The following CSDE1 variants were observed in gnomAD, a reference collection of about 807,000 sequenced individuals.
The protein encoded by CSDE1 is cold shock domain-containing protein E1.
CSDE1 carries 17 observed loss-of-function variants against 89.3 expected under a neutral mutation model. The ratio of observed to expected loss-of-function variants is 0.19; its 90% CI spans 0.13 to 0.29. The LOEUF (loss-of-function observed/expected upper bound fraction) is 0.29. Ranked by LOEUF, CSDE1 falls within the 10% of genes least tolerant of loss-of-function variation. CSDE1 has a pLI of 1.00. For missense variants in CSDE1, 672 were observed against 984.2 expected (o/e 0.68, Z 4.24); for synonymous variants, 322 against 332.8 (o/e 0.97, Z 0.35).
chr1:114,756,303 T>C (rs1489282782), intron 1 of CSDE1, among the ~76,000 whole-genome samples: 1 of 152,218 alleles, frequency 6.6e-6, no homozygotes, highest in African/African-American at 2.4e-5. Flanking sequence ...ACCTTCTCTT[T>C]TATTTTAGTC....
intron 1 of CSDE1, among the ~76,000 whole-genome samples, chr1:114,751,785 A>ATTC (rs2101089831): frequency 6.6e-6 from 1 of 151,922 alleles, no homozygotes; most frequent in East Asian, 1.9e-4. Flanking sequence ...AACTATCTTG[A>ATTC]TTCTTCCCCT....
chr1:114,744,343 A>G (rs544090179), intron 2 of CSDE1, among the ~76,000 whole-genome samples: 1 of 152,274 alleles, frequency 6.6e-6, no homozygotes, highest in South Asian at 2.1e-4. Flanking sequence ...GCACTTTGAG[A>G]GGCCGAGGTG....
intron 12 of CSDE1, among the ~76,000 whole-genome samples, chr1:114,729,229 G>A (rs949889659): frequency 6.6e-6 from 1 of 151,960 alleles, no homozygotes; most frequent in African/African-American, 2.4e-5. Context: ...CTCCCGAGTA[G>A]CTGGGATTAC....
intron 13 of CSDE1, 124 bp from the exon 14 acceptor site, chr1:114,726,510 T>C (rs1659807595): frequency 1.4e-6 from 1 of 703,294 alleles, no homozygotes; most frequent in African/African-American, 1.8e-5. Context: ...TTGTTATTAC[T>C]TCAATGAAAT....
In CSDE1 at chr1:114,727,086, G is replaced by A. The variant is rs769484140; in HGVS notation, c.1361C>T (p.Ala454Val). The A allele has an allele frequency of 3.1e-6, 5 of 1,606,924 alleles. No homozygotes were observed. In the South Asian group the frequency reaches 5.5e-5, roughly 18 times the overall value. Residue 454 changes from alanine to valine, a missense_variant, in exon 13 of 20, where the codon GCT becomes GTT. This residue lies in a region of CSDE1 where 108 missense variants were observed against 105.0 expected (regional missense o/e 1.03). Coordinates refer to ENST00000358528, the MANE Select transcript of CSDE1 (RefSeq NM_001007553.3). ...TSPNKGKEKE[A>V]EDGIIAYDDC... The stretch of plus-strand genomic sequence containing the variant: ...ATCATAAGCAATAATGCCATCCTCA[G>A]CCTCCTAAAGAGATACAGTCAAAAA...
At chr1:114,738,222 G>C (rs549464818) in intron 3 of CSDE1, 150 bp from the exon 4 acceptor site, 61 of 632,158 alleles carry the variant, frequency 9.6e-5, no homozygotes, top group Non-Finnish European at 1.5e-4. Context: ...ACATCACCTG[G>C]GAGCTTAAAA....
chr1:114,732,281 G>A (rs1660147261), intron 10 of CSDE1, among the ~76,000 whole-genome samples: 1 of 152,154 alleles, frequency 6.6e-6, no homozygotes, highest in African/African-American at 2.4e-5. Context: ...TTAGGAAATA[G>A]TTTGGGAAAA....
intron 1 of CSDE1, among the ~76,000 whole-genome samples, chr1:114,754,317 C>T (rs1408243199): frequency 6.6e-6 from 1 of 152,218 alleles, no homozygotes; most frequent in Non-Finnish European, 1.5e-5. Context: ...TTCATGTCTT[C>T]CTCGGCTGTT....
intron 15 of CSDE1, 150 bp from the exon 16 acceptor site, chr1:114,724,152 A>G: frequency 4.5e-6 from 3 of 662,688 alleles, no homozygotes; most frequent in Non-Finnish European, 7.3e-6. Flanking sequence ...GCCAAGTTCT[A>G]TTTTTAGAAC....
At position 114,736,820 on chromosome 1, in the gene CSDE1, G is replaced by A. The variant is rs751506481; in HGVS notation, c.438C>T (p.Val146=). The A allele has an allele frequency of 8.7e-6, 14 of 1,612,444 alleles. No individual in the cohort carries two copies. The highest frequency in any genetic ancestry group is 1.7e-4 in the Middle Eastern group (1 of 5,824). The change falls in exon 6 of 20, where the codon GTC becomes GTT. Residue 146 remains valine, a synonymous_variant. Transcript: ENST00000358528. The stretch of plus-strand genomic sequence containing the variant: ...CAGTTTCCAGCTGAACGTTCCCTTC[G>A]ACATCTTCAGGGGTGTAAGTCAGAT... ...VFYLTYTPED[V]EGNVQLETGD...
intron 18 of CSDE1, 51 bp from the exon 19 acceptor site, chr1:114,718,796 C>A: frequency 6.3e-7 from 1 of 1,596,158 alleles, no homozygotes; most frequent in Non-Finnish European, 8.5e-7. Flanking sequence ...GGGCAGACAG[C>A]AAGCACTTGC....
At chr1:114,747,841 G>C (rs1661096725) in intron 2 of CSDE1, among the ~76,000 whole-genome samples, 1 of 151,260 alleles carries the variant, frequency 6.6e-6, no homozygotes, top group Non-Finnish European at 1.5e-5. Flanking sequence ...CTTGGCGACA[G>C]AGCAAGACTC....
At chr1:114,726,059 G>T in intron 14 of CSDE1, 152 bp downstream of exon 14, 1 of 796,494 alleles carries the variant, frequency 1.3e-6, no homozygotes, top group Non-Finnish European at 1.9e-6. Flanking sequence ...AGTAAGATCA[G>T]TGATTAACTT....
chr1:114,736,711 G>GA lies in CSDE1; in HGVS notation c.500+46dup, dbSNP rs750150112. 2,531 of 1,070,644 alleles carry GA rather than the reference G, an allele frequency of 2.4e-3. 5 individuals carry two copies. Among genetic ancestry groups the GA allele is most frequent in the South Asian group, 3.4e-3 (216 of 63,550 alleles). 66.3% of individuals were successfully genotyped at this position (1,070,644 alleles called of 1,614,324 possible). ...TATTCAAATTTCTTAATGGAGGGGGGAAAAAAAAACCGCTTAGGTGAGAAA... is the reference window on the plus strand; with the variant it reads ...TATTCAAATTTCTTAATGGAGGGGGGAAAAAAAAAACCGCTTAGGTGAGAAA... On this transcript the variant is annotated intron_variant, in intron 6 of 19. Coordinates refer to ENST00000358528, the MANE Select transcript of CSDE1 (RefSeq NM_001007553.3).
chr1:114,730,879 C>T (rs1403181316), intron 10 of CSDE1, among the ~76,000 whole-genome samples: 1 of 152,214 alleles, frequency 6.6e-6, no homozygotes, highest in African/African-American at 2.4e-5. Context: ...GGCAAATATG[C>T]ACTAGAAAAA....
Position 114,725,201 on chromosome 1 carries a change from A to G in CSDE1, c.1753+20T>C. On this transcript the variant is annotated intron_variant, in intron 15 of 19. Coordinates refer to ENST00000358528, the MANE Select transcript of CSDE1 (RefSeq NM_001007553.3). ...TCCCACTTAAAAGCACAGGCTGAAT[A>G]AGAAGTCACAATTTATTACCTGAGT... 6.3e-7 allele frequency: 1 copy of G among 1,593,226 alleles called. No homozygotes were observed. Among genetic ancestry groups the G allele is most frequent in the Non-Finnish European group, 8.6e-7 (1 of 1,160,916 alleles).
At chr1:114,730,150 C>G in intron 12 of CSDE1, 108 bp downstream of exon 12, 1 of 1,274,738 alleles carries the variant, frequency 7.8e-7, no homozygotes, top group Non-Finnish European at 1.1e-6. Flanking sequence ...GACAGAAATT[C>G]TGAAAGAGAC....
At chr1:114,743,632 T>C (rs920124000) in intron 2 of CSDE1, among the ~76,000 whole-genome samples, 2 of 152,202 alleles carry the variant, frequency 1.3e-5, no homozygotes, top group Non-Finnish European at 2.9e-5. Context: ...TCACTGCAGG[T>C]AGGAGATAGA....
intron 15 of CSDE1, among the ~76,000 whole-genome samples, chr1:114,724,985 C>A (rs1320066847): frequency 6.6e-6 from 1 of 152,106 alleles, no homozygotes. Context: ...TCAGTGTATA[C>A]CAGAATCACC....
Sources: gnomAD v4.1 joint callset for allele counts (sites outside exome capture counted in the v4.1 genomes callset) on GRCh38, gnomAD v4.1.1 for gene constraint, gnomAD v4.1.1 regional missense constraint, MANE v1.5 for transcripts, NCBI Gene and HGNC (gene_info 2026-07-23, HGNC 2026-07-21) for gene names.